PDE4D: variants seen among roughly 807,000 people sequenced by gnomAD.
The protein encoded by PDE4D is 3',5'-cyclic-AMP phosphodiesterase 4D.
Under a neutral mutation model 87.4 loss-of-function variants are expected in PDE4D, and 24 were observed. That is an observed-to-expected ratio of 0.27 (90% CI 0.20 to 0.39). The LOEUF is 0.39. PDE4D is among the 10% of genes least tolerant of loss of function. The pLI is 1.00. For missense variants in PDE4D, 714 were observed against 1,041.0 expected (o/e 0.69, Z 4.32); for synonymous variants, 384 against 383.2 (o/e 1.00, Z -0.02).
intron 1 of PDE4D, among the ~76,000 whole-genome samples, chr5:59,370,014 C>T (rs929779509): frequency 2.6e-5 from 4 of 152,148 alleles, no homozygotes; most frequent in Admixed American, 2.6e-4. Flanking sequence ...TTTTCTCTCA[C>T]TCTATGTAAA....
At chr5:59,014,569 AGGAATCCAACTTACAAG>A (rs1205521335) in intron 6 of PDE4D, among the ~76,000 whole-genome samples, 1 of 152,226 alleles carries the variant, frequency 6.6e-6, no homozygotes, top group Admixed American at 6.5e-5. Flanking sequence ...TAAAATACCA[AGGAATCCAACTTACAAG>A]GGATGTGAAG....
At chr5:59,655,007 G>A (rs1744124276) in intron 1 of PDE4D, among the ~76,000 whole-genome samples, 1 of 151,898 alleles carries the variant, frequency 6.6e-6, no homozygotes, top group South Asian at 2.1e-4. Flanking sequence ...GAATAATGTT[G>A]CTGTGAACAT....
chr5:60,444,819 G>A (rs1400011731), intron 1 of PDE4D, among the ~76,000 whole-genome samples: 2 of 151,732 alleles, frequency 1.3e-5, no homozygotes, highest in Admixed American at 1.3e-4. Context: ...AGCCGTTCTG[G>A]GGGGTCTGAC....
chr5:59,111,013 C>T (rs929917466), intron 5 of PDE4D, among the ~76,000 whole-genome samples: 1 of 152,234 alleles, frequency 6.6e-6, no homozygotes, highest in Non-Finnish European at 1.5e-5. Flanking sequence ...AATGCCTCCA[C>T]ACCCAGGAGG....
chr5:59,904,027 T>C (rs1175968882), intron 3 of PDE4D, among the ~76,000 whole-genome samples: 4 of 152,194 alleles, frequency 2.6e-5, no homozygotes, highest in Non-Finnish European at 5.9e-5. Context: ...TGACAAAATA[T>C]ACATGATAGG....
chr5:59,536,383 T>C (rs1232007150), intron 1 of PDE4D, among the ~76,000 whole-genome samples: 1 of 151,440 alleles, frequency 6.6e-6, no homozygotes, highest in African/African-American at 2.4e-5. Flanking sequence ...CAGGCACCTG[T>C]AGTCCCAGCT....
At chr5:60,459,014 G>A (rs527651826) in intron 1 of PDE4D, among the ~76,000 whole-genome samples, 1 of 152,092 alleles carries the variant, frequency 6.6e-6, no homozygotes, top group East Asian at 1.9e-4. Flanking sequence ...GTGTGTGTGT[G>A]TATGTGTATA....
chr5:60,239,170 CTTA>C (rs1220220911), intron 1 of PDE4D, among the ~76,000 whole-genome samples: 2 of 152,040 alleles, frequency 1.3e-5, no homozygotes, highest in African/African-American at 4.8e-5. Context: ...AGAAAGGGTA[CTTA>C]TTATTTTATT....
chr5:59,299,250 C>A (rs1020004975), intron 1 of PDE4D, among the ~76,000 whole-genome samples: 3 of 152,172 alleles, frequency 2.0e-5, no homozygotes, highest in South Asian at 2.1e-4. Flanking sequence ...CCCCCGGAAG[C>A]AGGTGATGGA....
intron 1 of PDE4D, among the ~76,000 whole-genome samples, chr5:59,487,351 T>G (rs74473707): frequency 6.6e-6 from 1 of 151,992 alleles, no homozygotes; most frequent in East Asian, 1.9e-4. Context: ...GAAATAGAAA[T>G]AGCTAAAGAA....
chr5:59,681,010 CT>C (rs1385857604), intron 1 of PDE4D, among the ~76,000 whole-genome samples: 1 of 152,064 alleles, frequency 6.6e-6, no homozygotes, highest in Non-Finnish European at 1.5e-5. Context: ...CACTTTCCCC[CT>C]AGATATGTCT....
intron 1 of PDE4D, among the ~76,000 whole-genome samples, chr5:59,688,918 A>G (rs1383395693): frequency 4.6e-5 from 7 of 152,216 alleles, no homozygotes; most frequent in African/African-American, 1.7e-4. Flanking sequence ...AATACAAACT[A>G]CTATCAGAGA....
At chr5:59,311,766 C>A (rs905274804) in intron 1 of PDE4D, among the ~76,000 whole-genome samples, 1 of 152,102 alleles carries the variant, frequency 6.6e-6, no homozygotes, top group Non-Finnish European at 1.5e-5. Context: ...CCGGCTAGAC[C>A]TTTTCTGCCA....
At chr5:59,849,962 G>A (rs950340845) in intron 1 of PDE4D, among the ~76,000 whole-genome samples, 1 of 152,004 alleles carries the variant, frequency 6.6e-6, no homozygotes, top group African/African-American at 2.4e-5. Context: ...GTAATATGAA[G>A]CCAATAAGCT....
intron 1 of PDE4D, among the ~76,000 whole-genome samples, chr5:60,420,157 G>A (rs893321852): frequency 6.6e-6 from 1 of 152,190 alleles, no homozygotes; most frequent in African/African-American, 2.4e-5. Context: ...CATCATTGCA[G>A]TTCAGGTCCT....
intron 2 of PDE4D, among the ~76,000 whole-genome samples, chr5:59,197,684 G>A (rs905842928): frequency 6.6e-6 from 1 of 152,168 alleles, no homozygotes; most frequent in Non-Finnish European, 1.5e-5. Context: ...TCTTTGAATT[G>A]TGTCTTACAC....
At chr5:59,762,240 GTGTATATGGGTA>G (rs1236043937) in intron 1 of PDE4D, among the ~76,000 whole-genome samples, 2 of 107,782 alleles carry the variant, frequency 1.9e-5, no homozygotes, top group Non-Finnish European at 4.4e-5. Flanking sequence ...ATGCGTATAT[GTGTATATGGGTA>G]CACATATGCG....
At chr5:59,298,518 A>T (rs1232425884) in intron 1 of PDE4D, among the ~76,000 whole-genome samples, 1 of 152,208 alleles carries the variant, frequency 6.6e-6, no homozygotes, top group African/African-American at 2.4e-5. Context: ...TTTTCAAAGT[A>T]TTCATAAATG....
At chr5:59,987,562 A>G (rs1762574383) in intron 3 of PDE4D, 1 of 152,196 alleles carries the variant, frequency 6.6e-6, no homozygotes, top group Non-Finnish European at 1.5e-5. Context: ...AACTTTAACA[A>G]GATCCAAAAG....
Sources: allele counts gnomAD v4.1 joint callset (sites outside exome capture counted in the v4.1 genomes callset), GRCh38; gene constraint gnomAD v4.1.1; transcripts MANE v1.5; gene names NCBI Gene and HGNC (gene_info 2026-07-23, HGNC 2026-07-21).